Variants in SGIP1 observed in about 807,000 individuals in gnomAD.
The protein encoded by SGIP1 is SH3GL interacting endocytic adaptor 1.
SGIP1 carries 38 observed loss-of-function variants against 107.5 expected under a neutral mutation model. The ratio of observed to expected loss-of-function variants is 0.35; its 90% CI spans 0.27 to 0.46. SGIP1 has a LOEUF of 0.46. Among genes scored for constraint, SGIP1 ranks in the 20% least tolerant of loss-of-function variants. The pLI is 1.00. For synonymous variants in SGIP1, 365 were observed against 366.1 expected, an observed-to-expected ratio of 1.00 and a Z score of 0.03; for missense variants, 929 against 1,019.5, an observed-to-expected ratio of 0.91 and a Z score of 1.21.
At chr1:66,588,102 GCT>G (rs1301071362) in intron 1 of SGIP1, among the ~76,000 whole-genome samples, 1 of 152,110 alleles carries the variant, frequency 6.6e-6, no homozygotes, top group Non-Finnish European at 1.5e-5. Flanking sequence ...ATGGAAGTAT[GCT>G]CTGTTTGTTA....
intron 1 of SGIP1, among the ~76,000 whole-genome samples, chr1:66,538,479 TA>T (rs1458778605): frequency 6.6e-6 from 1 of 152,190 alleles, no homozygotes; most frequent in Non-Finnish European, 1.5e-5. Context: ...TTTATACTTC[TA>T]AAAAGAATAT....
intron 12 of SGIP1, among the ~76,000 whole-genome samples, chr1:66,675,464 T>G (rs1300736076): frequency 6.6e-6 from 1 of 152,026 alleles, no homozygotes; most frequent in Non-Finnish European, 1.5e-5. Context: ...CTTTTGTATC[T>G]ACTCATTCTT....
intron 1 of SGIP1, among the ~76,000 whole-genome samples, chr1:66,553,940 G>T (rs2057806515): frequency 1.3e-5 from 2 of 152,066 alleles, no homozygotes; most frequent in Non-Finnish European, 1.5e-5. Flanking sequence ...GTTGCCAGTG[G>T]TCACTTTCTG....
chr1:66,558,278 G>C (rs77373978), intron 1 of SGIP1, among the ~76,000 whole-genome samples: 2,491 of 151,650 alleles, frequency 0.016, 60 homozygotes, highest in African/African-American at 0.057. Context: ...TGCTTAGAGG[G>C]GCCCTACACT....
Position 66,690,331 on chromosome 1 carries a change from C to T in SGIP1, c.1570+15C>T. ...TCCCACAGTTGGTAAAAATTCTCTC[C>T]TCTCTTTTAATCCGTTTGTGGTTTT... is the stretch of plus-strand genomic sequence containing the variant. On this transcript the variant is annotated intron_variant, in intron 17 of 24. Transcript: ENST00000371037. The T allele has an allele frequency of 6.2e-7, 1 of 1,613,800 alleles. No homozygotes were observed. The highest frequency in any genetic ancestry group is 8.5e-7 in the Non-Finnish European group (1 of 1,179,914).
In SGIP1 at chr1:66,642,844, T is replaced by G. The variant is rs2077023379; in HGVS notation, c.263T>G (p.Ile88Ser). ...SPELDEEGYS[I>S]RPEEPGSTKG... ...GAGCTGGATGAAGAAGGCTACAGCA[T>G]CAGACCCGAGGAACCCGGCTATATC... Residue 88 changes from isoleucine to serine, a missense_variant, in exon 6 of 25, where the codon ATC becomes AGC. Physicochemically the swap from Ile to Ser is moderately radical, Grantham distance 142. This residue lies in a region of SGIP1 where 588 missense variants were observed against 588.6 expected (regional missense o/e 1.00). Coordinates refer to ENST00000371037, the MANE Select transcript of SGIP1 (RefSeq NM_032291.4). The G allele has an allele frequency of 6.2e-7, 1 of 1,612,536 alleles. No homozygotes were observed. Among genetic ancestry groups the G allele is most frequent in the African/African-American group, 1.3e-5 (1 of 74,846 alleles).
At chr1:66,711,491 C>T (rs2092915770) in intron 18 of SGIP1, among the ~76,000 whole-genome samples, 1 of 152,152 alleles carries the variant, frequency 6.6e-6, no homozygotes, top group Admixed American at 6.5e-5. Context: ...AATTGGGTCT[C>T]ATTTATCTTT....
At chr1:66,731,899 T>C (rs2094028800) in intron 20 of SGIP1, among the ~76,000 whole-genome samples, 1 of 152,168 alleles carries the variant, frequency 6.6e-6, no homozygotes, top group African/African-American at 2.4e-5. Flanking sequence ...GTGAAAAAAG[T>C]TTGCTTGTAA....
chr1:66,606,882 C>T (rs2066951308), intron 1 of SGIP1, among the ~76,000 whole-genome samples: 1 of 152,264 alleles, frequency 6.6e-6, no homozygotes, highest in South Asian at 2.1e-4. Flanking sequence ...ATGTTCTTGC[C>T]TGTATTTTAT....
intron 1 of SGIP1, among the ~76,000 whole-genome samples, chr1:66,600,420 A>G (rs758054013): frequency 6.6e-6 from 1 of 152,180 alleles, no homozygotes. Flanking sequence ...GGTAGTTGTC[A>G]TAATAAGGCA....
At chr1:66,672,810 T>C (rs2084147890) in intron 11 of SGIP1, among the ~76,000 whole-genome samples, 1 of 152,154 alleles carries the variant, frequency 6.6e-6, no homozygotes, top group Admixed American at 6.5e-5. Flanking sequence ...AGGATGAAAC[T>C]TCTCGGTGGC....
At chr1:66,654,530 G>T (rs1489226485) in intron 7 of SGIP1, among the ~76,000 whole-genome samples, 1 of 151,748 alleles carries the variant, frequency 6.6e-6, no homozygotes, top group East Asian at 1.9e-4. Flanking sequence ...GTATAAATAA[G>T]CATAACAGTA....
intron 19 of SGIP1, 59 bp from the exon 20 acceptor site, chr1:66,729,205 G>T: frequency 6.3e-7 from 1 of 1,587,026 alleles, no homozygotes; most frequent in South Asian, 1.1e-5. Flanking sequence ...CAGCAGTTTT[G>T]ATTCAGTGTA....
chr1:66,740,432 C>T (rs1202473785), intron 22 of SGIP1, among the ~76,000 whole-genome samples: 1 of 152,094 alleles, frequency 6.6e-6, no homozygotes, highest in Non-Finnish European at 1.5e-5. Context: ...ACTTTGTCCT[C>T]TCAATGTTCA....
At chr1:66,572,326 A>C (rs928513394) in intron 1 of SGIP1, among the ~76,000 whole-genome samples, 1 of 152,094 alleles carries the variant, frequency 6.6e-6, no homozygotes, top group Non-Finnish European at 1.5e-5. Context: ...CACCACCAAC[A>C]AATGGACTCT....
chr1:66,592,549 C>T (rs934154978), intron 1 of SGIP1, among the ~76,000 whole-genome samples: 1 of 152,134 alleles, frequency 6.6e-6, no homozygotes, highest in African/African-American at 2.4e-5. Context: ...CTTTCTTTTC[C>T]CCACGGAGTG....
chr1:66,700,674 AT>A (rs1047592960), intron 18 of SGIP1, among the ~76,000 whole-genome samples: 6 of 152,224 alleles, frequency 3.9e-5, no homozygotes, highest in East Asian at 1.9e-4. Context: ...AATATTTATC[AT>A]TTTTTTGGGT....
At chr1:66,727,925 A>G (rs960099059) in intron 19 of SGIP1, among the ~76,000 whole-genome samples, 2 of 152,168 alleles carry the variant, frequency 1.3e-5, no homozygotes, top group African/African-American at 4.8e-5. Flanking sequence ...ACTTTCAGGG[A>G]TGATGGAAAT....
chr1:66,607,906 G>A (rs1042016293), intron 1 of SGIP1, among the ~76,000 whole-genome samples: 1 of 152,186 alleles, frequency 6.6e-6, no homozygotes, highest in Non-Finnish European at 1.5e-5. Flanking sequence ...ACCAGATAGA[G>A]CAGATGTTCC....
Sources: allele counts gnomAD v4.1 joint callset (sites outside exome capture counted in the v4.1 genomes callset), GRCh38; gene constraint gnomAD v4.1.1; regional missense constraint gnomAD v4.1.1; transcripts MANE v1.5; gene names NCBI Gene and HGNC (gene_info 2026-07-23, HGNC 2026-07-21).